The following GRID2 variants were observed in gnomAD, a reference collection of about 807,000 sequenced individuals.
The protein encoded by GRID2 is glutamate ionotropic receptor delta type subunit 2, also known as glutamate receptor ionotropic, delta-2.
Under a neutral mutation model 114.8 loss-of-function variants are expected in GRID2, and 33 were observed. That is an observed-to-expected ratio of 0.29 (90% confidence interval 0.22 to 0.38). The LOEUF (loss-of-function observed/expected upper bound fraction) is 0.38. Ranked by LOEUF, GRID2 falls within the 10% of genes least tolerant of loss-of-function variation. The probability of loss-of-function intolerance (pLI) is 1.00; values close to 1 mark genes in which losing one functional copy is unlikely to be tolerated. For synonymous variants in GRID2, 505 were observed against 449.9 expected (o/e 1.12, Z -1.55); for missense variants, 1,184 against 1,257.7 (o/e 0.94, Z 0.89).
chr4:92,808,595 A>G (rs965323489), intron 2 of GRID2, among the ~76,000 whole-genome samples: 1 of 152,012 alleles, frequency 6.6e-6, no homozygotes, highest in Non-Finnish European at 1.5e-5. Flanking sequence ...TTTCTGCTTT[A>G]TTTTTGTAGA....
intron 14 of GRID2, among the ~76,000 whole-genome samples, chr4:93,726,451 T>C (rs1217425821): frequency 2.6e-5 from 4 of 152,242 alleles, no homozygotes; most frequent in Non-Finnish European, 5.9e-5. Flanking sequence ...TGGCTTAGGA[T>C]TGACTTGGCA....
rs142565979 is a variant in GRID2 at position 92,514,784 on chromosome 4, ACT to A, written c.89-75345_89-75344del. ...GGCTGCTGCTGCTGCTATTTGTAAA[ACT>A]CAGCTCTGCTTGAATCCCTGCCTCA... is the stretch of plus-strand genomic sequence containing the variant. On this transcript the variant is annotated intron_variant, in intron 1 of 15. Coordinates refer to ENST00000282020, the MANE Select transcript of GRID2 (RefSeq NM_001510.4). Among the ~76,000 whole-genome samples, 1,063 of 151,732 alleles carry A rather than the reference ACT, an allele frequency of 7.0e-3. 16 individuals are homozygous for A. The highest frequency in any genetic ancestry group is 0.024 in the African/African-American group (1,010 of 41,394).
chr4:92,613,273 T>C (rs1014507538), intron 2 of GRID2, among the ~76,000 whole-genome samples: 2 of 151,372 alleles, frequency 1.3e-5, no homozygotes, highest in African/African-American at 4.8e-5. Context: ...GATAAGTCTT[T>C]AAAGGTTATG....
intron 13 of GRID2, among the ~76,000 whole-genome samples, chr4:93,541,276 C>A (rs1166983898): frequency 1.3e-5 from 2 of 152,118 alleles, no homozygotes; most frequent in Admixed American, 1.3e-4. Flanking sequence ...CAGAAATTTT[C>A]TTGAGAGCTG....
chr4:93,363,525 T>C (rs751862189), intron 8 of GRID2, among the ~76,000 whole-genome samples: 68 of 152,292 alleles, frequency 4.5e-4, no homozygotes, highest in Admixed American at 1.4e-3. Context: ...GTTAATGATA[T>C]ATGTGTTTTT....
intron 1 of GRID2, among the ~76,000 whole-genome samples, chr4:92,540,980 C>A (rs1725912549): frequency 6.6e-6 from 1 of 152,162 alleles, no homozygotes; most frequent in Non-Finnish European, 1.5e-5. Flanking sequence ...CGGATGAGTT[C>A]ATGTCCTTTG....
chr4:93,358,796 A>G (rs1284858132), intron 8 of GRID2, among the ~76,000 whole-genome samples: 1 of 152,062 alleles, frequency 6.6e-6, no homozygotes, highest in Non-Finnish European at 1.5e-5. Context: ...AGTAATACTG[A>G]ATTAAGTCTG....
intron 2 of GRID2, among the ~76,000 whole-genome samples, chr4:92,995,078 T>C (rs1249247813): frequency 1.3e-5 from 2 of 152,180 alleles, no homozygotes; most frequent in Non-Finnish European, 2.9e-5. Context: ...TTCTCACAAG[T>C]TCTATTTCAG....
chr4:93,238,616 GTGA>G, intron 8 of GRID2, 126 bp downstream of exon 8: 1 of 639,782 alleles, frequency 1.6e-6, no homozygotes. Flanking sequence ...AAAGCAGGGG[GTGA>G]GGGGAAATTA....
intron 2 of GRID2, among the ~76,000 whole-genome samples, chr4:92,836,933 A>C (rs1351404931): frequency 1.3e-5 from 2 of 152,120 alleles, no homozygotes; most frequent in African/African-American, 4.8e-5. Flanking sequence ...GAAAATCTTC[A>C]AGCGAAGATT....
intron 14 of GRID2, among the ~76,000 whole-genome samples, chr4:93,747,799 C>T (rs1028415758): frequency 1.3e-5 from 2 of 151,864 alleles, no homozygotes; most frequent in African/African-American, 2.4e-5. Context: ...TTTTCCCCCC[C>T]AGTGGACAGA....
intron 2 of GRID2, among the ~76,000 whole-genome samples, chr4:92,854,052 T>A (rs1744011661): frequency 6.6e-6 from 1 of 151,612 alleles, no homozygotes; most frequent in South Asian, 2.1e-4. Flanking sequence ...GTGCAATGAC[T>A]CCAGAGTGCC....
At chr4:93,096,480 A>G (rs1295746911) in intron 3 of GRID2, among the ~76,000 whole-genome samples, 1 of 152,064 alleles carries the variant, frequency 6.6e-6, no homozygotes, top group Non-Finnish European at 1.5e-5. Context: ...TGTTCAAAGA[A>G]TACACATATT....
At chr4:92,394,480 G>T (rs956531345) in intron 1 of GRID2, among the ~76,000 whole-genome samples, 1 of 151,908 alleles carries the variant, frequency 6.6e-6, no homozygotes, top group Non-Finnish European at 1.5e-5. Context: ...TGATCTGGCT[G>T]TGGCTAGTTT....
At chr4:93,532,006 C>G (rs1040490468) in intron 13 of GRID2, among the ~76,000 whole-genome samples, 2 of 151,914 alleles carry the variant, frequency 1.3e-5, no homozygotes, top group Non-Finnish European at 2.9e-5. Flanking sequence ...GTTGTTTGGG[C>G]TAAAGAGGAA....
intron 12 of GRID2, among the ~76,000 whole-genome samples, chr4:93,503,666 T>G (rs1728353731): frequency 6.6e-6 from 1 of 151,996 alleles, no homozygotes; most frequent in East Asian, 1.9e-4. Flanking sequence ...CAAACCACTT[T>G]GCACTTCAGT....
chr4:93,133,726 TA>T (rs1419592506), intron 4 of GRID2, among the ~76,000 whole-genome samples: 1 of 152,138 alleles, frequency 6.6e-6, no homozygotes, highest in African/African-American at 2.4e-5. Context: ...CTATTTCCCC[TA>T]ATTACCAACA....
chr4:92,721,201 G>A (rs1464029814), intron 2 of GRID2, among the ~76,000 whole-genome samples: 1 of 152,048 alleles, frequency 6.6e-6, no homozygotes, highest in African/African-American at 2.4e-5. Context: ...TTTCAGTTTG[G>A]AAAGATGAAG....
At chr4:93,044,992 C>T (rs1332040368) in intron 2 of GRID2, among the ~76,000 whole-genome samples, 1 of 152,084 alleles carries the variant, frequency 6.6e-6, no homozygotes, top group Non-Finnish European at 1.5e-5. Flanking sequence ...AGCTAGTGCA[C>T]TCCCTTATAG....
Sources: gnomAD v4.1 joint callset for allele counts (sites outside exome capture counted in the v4.1 genomes callset) on GRCh38, gnomAD v4.1.1 for gene constraint, MANE v1.5 for transcripts, NCBI Gene and HGNC (gene_info 2026-07-23, HGNC 2026-07-21) for gene names.